Variants in FGD2 observed in about 807,000 individuals in gnomAD.
The protein encoded by FGD2 is FYVE, RhoGEF and PH domain-containing protein 2.
FGD2 carries 52 observed loss-of-function variants against 75.9 expected under a neutral mutation model. The observed-to-expected ratio is 0.69, with a 90% CI of 0.55 to 0.86. The LOEUF (loss-of-function observed/expected upper bound fraction) is 0.86, where lower values mean the gene tolerates loss of function less well. Among genes scored for constraint, FGD2 ranks in the 40% least tolerant of loss-of-function variants. The pLI is 0.00. For missense variants in FGD2, 790 were observed against 872.0 expected (o/e 0.91, Z 1.18); for synonymous variants, 347 against 348.6 (o/e 1.00, Z 0.05).
chr6:37,027,558 G>C lies in FGD2; in HGVS notation c.1735G>C (p.Val579Leu), dbSNP rs766636134. ...TCGGGATGACCCCCTCGTGCTCTATGTCTATGCTGCCCCTCAGGTAAGGCC... is the reference window on the plus strand; with the variant it reads ...TCGGGATGACCCCCTCGTGCTCTATCTCTATGCTGCCCCTCAGGTAAGGCC... The part of the protein sequence containing the change: ...IPRDDPLVLY[V>L]YAAPQDMRAH... Residue 579 changes from valine (V) to leucine (L), a missense_variant, in exon 15 of 16, where the codon GTC becomes CTC. Val to Leu is a conservative substitution (Grantham distance 32). Coordinates refer to ENST00000274963, the MANE Select transcript of FGD2 (RefSeq NM_173558.4). 3.1e-6 allele frequency: 5 copies of C among 1,614,122 alleles called. No homozygotes were observed. Among genetic ancestry groups the C allele is most frequent in the Non-Finnish European group, 4.2e-6 (5 of 1,180,010 alleles).
rs367888863 is a variant in FGD2 at position 37,013,758 on chromosome 6, G to A, written c.677G>A (p.Arg226His). 37 of 1,613,770 alleles carry A rather than the reference G, an allele frequency of 2.3e-5. No individual in the cohort carries two copies. In the African/African-American group the frequency reaches 2.7e-4, roughly 12 times the overall value. ...KSPLFQEVLT[R>H]IQSSEASGSL... ...CCACTCTTCCAGGAGGTTCTCACTC[G>A]CATCCAGGTGAGGCTGGGGGAGGGC... Residue 226 changes from arginine to histidine, a missense_variant, in exon 5 of 16, where the codon CGC becomes CAC. Arg to His is a conservative substitution (Grantham distance 29, BLOSUM62 0). Transcript: ENST00000274963.
chr6:37,014,786 T>C (rs550273005), intron 7 of FGD2, 82 bp downstream of exon 7: 1 of 1,609,304 alleles, frequency 6.2e-7, no homozygotes, highest in East Asian at 2.2e-5. Flanking sequence ...CCTATCCCAC[T>C]GCTGCCCTCA....
chr6:37,021,454 G>A (rs1376110223), intron 11 of FGD2, 58 bp from the exon 12 acceptor site: 2 of 1,466,044 alleles, frequency 1.4e-6, no homozygotes, highest in African/African-American at 2.8e-5. Context: ...GATGGACAGA[G>A]GAGCAATCCC....
rs1203358248 is a variant in FGD2, at chr6:37,009,072, G to A, written c.300+7G>A. ...CTCAGGATCGGGGACGCAGGTGCCTGAGGGCTGAGGTAGAGGTGTGGGGTG... is the reference window on the plus strand; with the variant it reads ...CTCAGGATCGGGGACGCAGGTGCCTAAGGGCTGAGGTAGAGGTGTGGGGTG... On this transcript the variant is annotated splice_region_variant and intron_variant, in intron 2 of 15. Coordinates refer to ENST00000274963, the MANE Select transcript of FGD2 (RefSeq NM_173558.4). The A allele has an allele frequency of 4.3e-6, 7 of 1,612,986 alleles. No individual in the cohort carries two copies. Among genetic ancestry groups the A allele is most frequent in the Non-Finnish European group, 5.1e-6 (6 of 1,179,522 alleles).
At chr6:37,009,301 C>G (rs1430945224) in intron 2 of FGD2, 1 of 479,404 alleles carries the variant, frequency 2.1e-6, no homozygotes, top group Non-Finnish European at 3.7e-6. Context: ...GTTTTTTGGA[C>G]AAGGAAGTTG....
rs777443504 is a variant in FGD2, at chr6:37,021,702, T to A, written c.1326+98T>A. The A allele has an allele frequency of 7.2e-6, 8 of 1,104,378 alleles. 1 individual carries two copies. In the Middle Eastern group the frequency reaches 1.2e-3, roughly 170 times the overall value. The allele number at this position is 1,104,378 out of a possible 1,614,324, so 68.4% of individuals were successfully genotyped here. On this transcript the variant is annotated intron_variant, in intron 12 of 15. Transcript: ENST00000274963. Reference sequence around the variant, plus strand: ...TATACCAGCTCAGAGGGAGAGGGAGTGTCATCTGCCAGGAGAGACTGAAGG... The same window carrying A: ...TATACCAGCTCAGAGGGAGAGGGAGAGTCATCTGCCAGGAGAGACTGAAGG...
intron 12 of FGD2, 71 bp downstream of exon 12, chr6:37,021,675 C>A: frequency 7.4e-7 from 1 of 1,343,240 alleles, no homozygotes; most frequent in Non-Finnish European, 1.0e-6. Flanking sequence ...CTCTGTTCTG[C>A]CTATACCAGC....
chr6:37,006,806 G>T (rs1351831165), intron 1 of FGD2, among the ~76,000 whole-genome samples: 5 of 152,190 alleles, frequency 3.3e-5, no homozygotes, highest in African/African-American at 1.2e-4. Flanking sequence ...TGTGAGGGAA[G>T]CAGGGCCGGG....
rs770966892 is a variant in FGD2 at position 37,011,051 on chromosome 6, G to A, written c.378+1G>A. The A allele has an allele frequency of 5.4e-5, 87 of 1,613,994 alleles. No homozygotes were observed. The highest frequency in any genetic ancestry group is 1.3e-4 in the Admixed American group (8 of 60,000). ...GGCGCGCCTCCACCTGCTAGACCAG[G>A]CCAGTGACCAGGACACCCCCCTCTA... On this transcript the variant is annotated splice_donor_variant, in intron 3 of 15. Transcript: ENST00000274963. LOFTEE classifies it high-confidence loss of function.
At chr6:37,022,664 C>T (rs746327156) in intron 13 of FGD2, 6 of 329,224 alleles carry the variant, frequency 1.8e-5, no homozygotes, top group Non-Finnish European at 3.3e-5. Flanking sequence ...CCACCTCGGC[C>T]TCCACCTGCC....
intron 8 of FGD2, among the ~76,000 whole-genome samples, chr6:37,015,304 G>A (rs930450638): frequency 1.3e-5 from 2 of 152,218 alleles, no homozygotes; most frequent in African/African-American, 4.8e-5. Context: ...TGACTGCAAA[G>A]CCTGTGATAT....
Position 37,028,015 on chromosome 6 carries a change from C to G in FGD2, c.1820C>G (p.Pro607Arg). 7 of 1,614,144 alleles carry G rather than the reference C, an allele frequency of 4.3e-6. No homozygotes were observed. The highest frequency in any genetic ancestry group is 5.9e-6 in the Non-Finnish European group (7 of 1,180,038). ...GTGACTGTTGGGCCCCAGGGGGACCCTCGGGTCTTCCAGCTACAGCAGTCA... is the reference window on the plus strand; with the variant it reads ...GTGACTGTTGGGCCCCAGGGGGACCGTCGGGTCTTCCAGCTACAGCAGTCA... ...YQVTVGPQGD[P>R]RVFQLQQSGQ... Residue 607 changes from proline to arginine, a missense_variant, in exon 16 of 16, where the codon CCT becomes CGT. Physicochemically the swap from Pro to Arg is moderately radical, Grantham distance 103 (BLOSUM62 -2). Coordinates refer to ENST00000274963, the MANE Select transcript of FGD2 (RefSeq NM_173558.4).
In FGD2 at chr6:37,005,684, C is replaced by A; in HGVS notation, c.-134C>A. ...TGAAGCCAAGAGCCGACCTTCTGAG[C>A]CCTCAAGAAAGATCAGAACAGATTC... On this transcript the variant is annotated 5_prime_UTR_variant, in exon 1 of 16. Coordinates refer to ENST00000274963, the MANE Select transcript of FGD2 (RefSeq NM_173558.4). 3.2e-6 allele frequency: 3 copies of A among 926,692 alleles called. No homozygotes were observed. The highest frequency in any genetic ancestry group is 1.5e-5 in the South Asian group (1 of 66,496). 57.4% of individuals were successfully genotyped at this position (926,692 alleles called of 1,614,324 possible). A position where few individuals can be genotyped will look rare whatever the true frequency, so the allele number is the denominator to read the frequency against.
chr6:37,021,740 C>A, intron 12 of FGD2, 136 bp downstream of exon 12: 1 of 804,660 alleles, frequency 1.2e-6, no homozygotes, highest in Non-Finnish European at 1.9e-6. Flanking sequence ...CCAGGGGAAG[C>A]CTTCCCAGCG....
In FGD2 at chr6:37,013,742, C is replaced by T. The variant is rs374009275; in HGVS notation, c.661C>T (p.Gln221Ter). ...CTGGACCGACAAGTCTCCACTCTTC[C>T]AGGAGGTTCTCACTCGCATCCAGGT... ...ATWTDKSPLFQEVLTRIQSSE... is the reference protein window; with the variant it reads ...ATWTDKSPLF The change falls in exon 5 of 16, where the codon CAG becomes TAG. Residue 221 changes from glutamine to a stop codon, truncating the protein, a stop_gained. Coordinates refer to ENST00000274963, the MANE Select transcript of FGD2 (RefSeq NM_173558.4). LOFTEE classifies it high-confidence loss of function. The T allele has an allele frequency of 2.5e-6, 4 of 1,613,940 alleles. No individual in the cohort carries two copies. In the African/African-American group the frequency reaches 5.3e-5, roughly 22 times the overall value.
At chr6:37,011,601 G>A in intron 3 of FGD2, 105 bp from the exon 4 acceptor site, 2 of 1,474,028 alleles carry the variant, frequency 1.4e-6, no homozygotes. Flanking sequence ...GGGAGATCAG[G>A]GAGGTGGAAG....
Position 37,013,691 on chromosome 6 carries a change from G to T in FGD2, c.610G>T (p.Glu204Ter). The change falls in exon 5 of 16, where the codon GAG (glutamate) becomes TAG (stop). Residue 204 changes from glutamate to a stop codon, truncating the protein, a stop_gained. Transcript: ENST00000274963. LOFTEE classifies it high-confidence loss of function. The stretch of plus-strand genomic sequence containing the variant: ...GTACAGTGAGTATGTCAAGAACTTT[G>T]AGCGAGCGGCTGAGCTGCTGGCCAC... ...KMYSEYVKNF[E>*]RAAELLATWT... 1 of 1,614,084 alleles carries T rather than the reference G, an allele frequency of 6.2e-7. No homozygotes were observed. Among genetic ancestry groups the T allele is most frequent in the South Asian group, 1.1e-5 (1 of 91,076 alleles).
At chr6:37,020,404 G>A in intron 9 of FGD2, 137 bp from the exon 10 acceptor site, 1 of 803,400 alleles carries the variant, frequency 1.2e-6, no homozygotes, top group Non-Finnish European at 2.0e-6. Context: ...TAGAGAGGTG[G>A]CGAACAAGCT....
chr6:37,016,823 C>T (rs1765323529), intron 9 of FGD2, among the ~76,000 whole-genome samples: 1 of 152,146 alleles, frequency 6.6e-6, no homozygotes, highest in Non-Finnish European at 1.5e-5. Flanking sequence ...AGGCATGAGC[C>T]ACCACACCCA....
Sources: allele counts gnomAD v4.1 joint callset (sites outside exome capture counted in the v4.1 genomes callset), GRCh38; gene constraint gnomAD v4.1.1; transcripts MANE v1.5; gene names NCBI Gene and HGNC (gene_info 2026-07-23, HGNC 2026-07-21).